Variants in PLPP1 observed in about 807,000 individuals in gnomAD.
PLPP1 encodes lipid phosphate phosphohydrolase 1a.
A neutral mutation model predicts 31.2 loss-of-function variants in PLPP1; 24 were observed. That is an observed-to-expected ratio of 0.77 (90% confidence interval 0.56 to 1.08). The LOEUF (loss-of-function observed/expected upper bound fraction) is 1.08, where lower values mean the gene tolerates loss of function less well. PLPP1 is among the 50% of genes least tolerant of loss of function. The pLI, the probability that PLPP1 is intolerant of heterozygous loss-of-function variation, is 0.00. For synonymous variants in PLPP1, 146 were observed against 126.3 expected, an observed-to-expected ratio of 1.16 and a Z score of -1.05; for missense variants, 319 against 342.7, an observed-to-expected ratio of 0.93 and a Z score of 0.55.
At chr5:55,465,139 GTTCAAGCGA>G (rs1233388557) in intron 3 of PLPP1, among the ~76,000 whole-genome samples, 1 of 151,682 alleles carries the variant, frequency 6.6e-6, no homozygotes, top group Non-Finnish European at 1.5e-5. Context: ...TGCCTCCGGG[GTTCAAGCGA>G]TTCTCCTGCC....
intron 1 of PLPP1, among the ~76,000 whole-genome samples, chr5:55,495,558 G>C (rs1430399705): frequency 6.6e-6 from 1 of 152,128 alleles, no homozygotes; most frequent in East Asian, 1.9e-4. Flanking sequence ...CATGAGAACT[G>C]AGTAAAGACT....
intron 3 of PLPP1, among the ~76,000 whole-genome samples, chr5:55,449,880 G>C (rs1751856170): frequency 1.3e-5 from 2 of 151,226 alleles, no homozygotes; most frequent in South Asian, 2.1e-4. Context: ...AGAAACACAG[G>C]GTACCTCTCC....
At chr5:55,500,115 T>C (rs1323787142) in intron 1 of PLPP1, among the ~76,000 whole-genome samples, 2 of 150,344 alleles carry the variant, frequency 1.3e-5, no homozygotes, top group Admixed American at 1.3e-4. Context: ...AGTCTCGCTC[T>C]GTCACCCAGG....
At chr5:55,432,345 T>C (rs1242716640) in intron 4 of PLPP1, among the ~76,000 whole-genome samples, 5 of 151,998 alleles carry the variant, frequency 3.3e-5, no homozygotes, top group African/African-American at 7.3e-5. Context: ...CAGGAAGAAA[T>C]AGAAAACCTG....
At chr5:55,530,212 C>T (rs1051484360) in intron 1 of PLPP1, 5 of 1,380,678 alleles carry the variant, frequency 3.6e-6, no homozygotes, top group South Asian at 1.2e-5. Context: ...GTTTCTTCAT[C>T]TAGCTGAAGA....
intron 4 of PLPP1, among the ~76,000 whole-genome samples, chr5:55,431,847 GAA>G (rs1751358834): frequency 6.6e-6 from 1 of 152,080 alleles, no homozygotes; most frequent in African/African-American, 2.4e-5. Flanking sequence ...ATCGACAAGA[GAA>G]AAAGAAAACC....
chr5:55,468,288 T>C (rs1366330273), intron 2 of PLPP1, 139 bp from the exon 3 acceptor site: 14 of 732,912 alleles, frequency 1.9e-5, no homozygotes, highest in Non-Finnish European at 3.0e-5. Flanking sequence ...CTTTTTTCTT[T>C]ACAATGGAGA....
intron 1 of PLPP1, among the ~76,000 whole-genome samples, chr5:55,500,763 T>C (rs1456589624): frequency 1.3e-5 from 2 of 152,078 alleles, no homozygotes; most frequent in African/African-American, 2.4e-5. Flanking sequence ...AATACCAGTG[T>C]ATATGAGAGA....
intron 1 of PLPP1, among the ~76,000 whole-genome samples, chr5:55,494,789 C>G (rs1339584195): frequency 6.6e-6 from 1 of 151,916 alleles, no homozygotes; most frequent in Non-Finnish European, 1.5e-5. Flanking sequence ...CTACCTTTAC[C>G]ATTTTTGTAT....
intron 1 of PLPP1, among the ~76,000 whole-genome samples, chr5:55,528,371 A>T (rs569059122): frequency 1.3e-5 from 2 of 152,316 alleles, no homozygotes; most frequent in African/African-American, 4.8e-5. Flanking sequence ...CCAAACCTCC[A>T]TTATCGTACT....
chr5:55,456,191 C>T (rs910422334), intron 3 of PLPP1, among the ~76,000 whole-genome samples: 5 of 152,166 alleles, frequency 3.3e-5, no homozygotes, highest in African/African-American at 1.2e-4. Context: ...TTAAAGTCCA[C>T]TTATGCTCTT....
At chr5:55,461,748 C>A (rs1752171121) in intron 3 of PLPP1, among the ~76,000 whole-genome samples, 1 of 152,066 alleles carries the variant, frequency 6.6e-6, no homozygotes, top group African/African-American at 2.4e-5. Context: ...GAAAAGAAAT[C>A]TAAGGCAATA....
chr5:55,490,706 A>C (rs1752870942), intron 1 of PLPP1, among the ~76,000 whole-genome samples: 1 of 152,092 alleles, frequency 6.6e-6, no homozygotes, highest in Non-Finnish European at 1.5e-5. Flanking sequence ...CAAATGACTC[A>C]AAAAGACTCT....
At chr5:55,449,478 T>A (rs1246223825) in intron 3 of PLPP1, among the ~76,000 whole-genome samples, 1 of 152,152 alleles carries the variant, frequency 6.6e-6, no homozygotes, top group East Asian at 1.9e-4. Context: ...TCCTAATAGT[T>A]TCCCCAAGAG....
intron 2 of PLPP1, 189 bp from the exon 3 acceptor site, chr5:55,468,338 G>A (rs1201545029): frequency 3.8e-6 from 2 of 533,214 alleles, no homozygotes; most frequent in Non-Finnish European, 6.5e-6. Context: ...CAAAACAGGT[G>A]TCATATCAAT....
intron 1 of PLPP1, among the ~76,000 whole-genome samples, chr5:55,492,184 C>T (rs1029821476): frequency 3.9e-5 from 6 of 152,012 alleles, no homozygotes; most frequent in Non-Finnish European, 8.8e-5. Flanking sequence ...TCACTATATG[C>T]GCAATACTAA....
intron 1 of PLPP1, among the ~76,000 whole-genome samples, chr5:55,506,840 G>A (rs1753289959): frequency 6.6e-6 from 1 of 152,146 alleles, no homozygotes; most frequent in East Asian, 1.9e-4. Context: ...TCAAAGGTTA[G>A]AAGTAAATAA....
At chr5:55,428,248 G>A (rs1201284595) in intron 4 of PLPP1, among the ~76,000 whole-genome samples, 3 of 152,202 alleles carry the variant, frequency 2.0e-5, no homozygotes, top group African/African-American at 7.2e-5. Context: ...TTGTGGTTCT[G>A]TACCTAACCT....
At chr5:55,459,302 A>T (rs1013794169) in intron 3 of PLPP1, among the ~76,000 whole-genome samples, 1 of 152,146 alleles carries the variant, frequency 6.6e-6, no homozygotes, top group Non-Finnish European at 1.5e-5. Flanking sequence ...AACAAAGTTT[A>T]CGCAAATGAA....
Sources: gnomAD v4.1 joint callset for allele counts (sites outside exome capture counted in the v4.1 genomes callset) on GRCh38, gnomAD v4.1.1 for gene constraint, MANE v1.5 for transcripts, NCBI Gene and HGNC (gene_info 2026-07-23, HGNC 2026-07-21) for gene names.